Variants in SLC25A48 observed in about 807,000 individuals in gnomAD.
The protein encoded by SLC25A48 is CTC-321K16.1.
A neutral mutation model predicts 32.2 loss-of-function variants in SLC25A48; 29 were observed. The observed-to-expected ratio is 0.90, with a 90% CI of 0.67 to 1.23. The LOEUF (loss-of-function observed/expected upper bound fraction) is 1.23. Among genes scored for constraint, SLC25A48 ranks in the 50% most tolerant of loss-of-function variants. The pLI is 0.00. For synonymous variants in SLC25A48, 164 were observed against 172.3 expected (o/e 0.95, Z 0.38); for missense variants, 399 against 422.7 (o/e 0.94, Z 0.49).
chr5:135,850,330 T>A (rs1182590950), intron 2 of SLC25A48, 95 bp from the exon 3 acceptor site: 1 of 1,253,744 alleles, frequency 8.0e-7, no homozygotes, highest in African/African-American at 1.5e-5. Context: ...CTGGCGGGGG[T>A]CACTATGAGC....
intron 3 of SLC25A48, among the ~76,000 whole-genome samples, chr5:135,710,930 A>C (rs1271235115): frequency 6.6e-6 from 1 of 152,194 alleles, no homozygotes; most frequent in Non-Finnish European, 1.5e-5. Flanking sequence ...AAAATCCATC[A>C]TGTGGATTTT....
intron 3 of SLC25A48, among the ~76,000 whole-genome samples, chr5:135,735,184 G>A (rs4134370): frequency 0.01 from 1,546 of 152,276 alleles, 34 homozygotes; most frequent in African/African-American, 0.035. Flanking sequence ...TGGCCGCTGC[G>A]GTTTAGGTGT....
chr5:135,599,435 C>A (rs1751735223), intron 1 of SLC25A48, among the ~76,000 whole-genome samples: 1 of 152,156 alleles, frequency 6.6e-6, no homozygotes, highest in Non-Finnish European at 1.5e-5. Context: ...AATCAGGTTA[C>A]CCATTGTTCC....
intron 4 of SLC25A48, chr5:135,826,284 T>A: frequency 6.6e-6 from 1 of 152,580 alleles, no homozygotes; most frequent in Admixed American, 6.5e-5. Flanking sequence ...AAACTCAGCC[T>A]GTGCCCCATG....
At chr5:135,580,938 T>TTTCATCTGAGGCCGGGTAGTATAATGGC (rs1751219214) in intron 1 of SLC25A48, among the ~76,000 whole-genome samples, 2 of 152,140 alleles carry the variant, frequency 1.3e-5, no homozygotes, top group Non-Finnish European at 2.9e-5. Flanking sequence ...CCCTTAATGG[T>TTTCATCTGAGGCCGGGTAGTATAATGGC]TTCATCTGAG....
intron 3 of SLC25A48, chr5:135,671,664 C>T (rs1561784095): frequency 6.6e-6 from 1 of 152,056 alleles, no homozygotes; most frequent in East Asian, 1.9e-4. Context: ...AGGTCAGCAG[C>T]CTATGGAGGA....
At chr5:135,753,245 G>T (rs1206972433) in intron 3 of SLC25A48, among the ~76,000 whole-genome samples, 4 of 151,616 alleles carry the variant, frequency 2.6e-5, no homozygotes, top group Non-Finnish European at 5.9e-5. Flanking sequence ...TGTCTTGAGG[G>T]TATATTATGC....
intron 3 of SLC25A48, among the ~76,000 whole-genome samples, chr5:135,698,561 G>A (rs769578481): frequency 6.6e-6 from 1 of 151,928 alleles, no homozygotes; most frequent in African/African-American, 2.4e-5. Flanking sequence ...TGGATCATAA[G>A]CCTAAATATA....
chr5:135,768,034 G>C (rs114818423), intron 3 of SLC25A48, among the ~76,000 whole-genome samples: 1 of 143,926 alleles, frequency 6.9e-6, no homozygotes, highest in African/African-American at 2.6e-5. Context: ...ATAATATCAA[G>C]GGGGGAGAAA....
chr5:135,724,959 T>C (rs1755053165), intron 3 of SLC25A48, among the ~76,000 whole-genome samples: 2 of 152,278 alleles, frequency 1.3e-5, no homozygotes, highest in African/African-American at 4.8e-5. Context: ...CAGCCTTGGC[T>C]ACTGGCCTGC....
intron 1 of SLC25A48, among the ~76,000 whole-genome samples, chr5:135,840,147 G>T (rs1402298132): frequency 6.6e-6 from 1 of 152,126 alleles, no homozygotes. Context: ...AAGGTACAGT[G>T]TATTCATCAC....
intron 1 of SLC25A48, among the ~76,000 whole-genome samples, chr5:135,607,886 T>A (rs973765995): frequency 1.3e-5 from 2 of 152,200 alleles, no homozygotes; most frequent in Non-Finnish European, 1.5e-5. Context: ...GAGTTGTAGT[T>A]CCACTTCTGC....
intron 3 of SLC25A48, among the ~76,000 whole-genome samples, chr5:135,646,678 T>TATATATATATATATATATATATATATAC (rs966073970): frequency 6.6e-5 from 9 of 136,762 alleles, no homozygotes; most frequent in Non-Finnish European, 9.4e-5. Context: ...TATATATATA[T>TATATATATATATATATATATATATATAC]ACAATGGGAA....
chr5:135,842,771 T>A (rs1433591189), intron 2 of SLC25A48, among the ~76,000 whole-genome samples: 3 of 152,210 alleles, frequency 2.0e-5, no homozygotes, highest in Non-Finnish European at 4.4e-5. Flanking sequence ...TGTTCTGGGA[T>A]GTTCCCTAGA....
intron 3 of SLC25A48, among the ~76,000 whole-genome samples, chr5:135,638,410 G>GC (rs1752756452): frequency 6.6e-6 from 1 of 151,882 alleles, no homozygotes; most frequent in African/African-American, 2.4e-5. Context: ...GGTAGGTGGG[G>GC]GAGGGGAGGC....
At chr5:135,778,348 A>T (rs1756622568) in intron 3 of SLC25A48, among the ~76,000 whole-genome samples, 1 of 151,320 alleles carries the variant, frequency 6.6e-6, no homozygotes, top group Non-Finnish European at 1.5e-5. Context: ...ATTACTCCCA[A>T]TATCGCAGAA....
intron 1 of SLC25A48, among the ~76,000 whole-genome samples, chr5:135,615,741 A>G (rs1383184416): frequency 6.6e-6 from 1 of 152,244 alleles, no homozygotes; most frequent in Non-Finnish European, 1.5e-5. Flanking sequence ...CATAACTGAA[A>G]GGAAAGCAAG....
At chr5:135,602,653 G>A (rs1488888886) in intron 1 of SLC25A48, among the ~76,000 whole-genome samples, 3 of 141,874 alleles carry the variant, frequency 2.1e-5, no homozygotes. Context: ...TAGGGTACAT[G>A]TGCACAACGT....
chr5:135,825,347 G>A (rs1758009725), intron 4 of SLC25A48, among the ~76,000 whole-genome samples: 1 of 152,224 alleles, frequency 6.6e-6, no homozygotes, highest in Non-Finnish European at 1.5e-5. Flanking sequence ...CCTGGGATTT[G>A]ACCCGAAGCT....
Sources: allele counts gnomAD v4.1 joint callset (sites outside exome capture counted in the v4.1 genomes callset), GRCh38; gene constraint gnomAD v4.1.1; transcripts MANE v1.5; gene names NCBI Gene and HGNC (gene_info 2026-07-23, HGNC 2026-07-21).